Variants in TMC2 observed in about 807,000 individuals in gnomAD.
TMC2 encodes the protein transmembrane channel-like protein 2.
In TMC2, 102 loss-of-function variants were observed where a neutral mutation model predicts 105.9. The observed-to-expected ratio is 0.96, with a 90% CI of 0.82 to 1.14. The LOEUF (loss-of-function observed/expected upper bound fraction) is 1.14. Ranked by LOEUF, TMC2 falls within the 50% of genes most tolerant of loss-of-function variation. The pLI is 0.00. For missense variants in TMC2, 1,093 were observed against 1,134.3 expected (o/e 0.96, Z 0.52); for synonymous variants, 402 against 422.8 (o/e 0.95, Z 0.60).
intron 19 of TMC2, among the ~76,000 whole-genome samples, chr20:2,638,062 C>A (rs1328851940): frequency 6.6e-6 from 1 of 152,200 alleles, no homozygotes; most frequent in Non-Finnish European, 1.5e-5. Flanking sequence ...AAAGTCTAGG[C>A]CGGGCGTGGT....
At chr20:2,538,576 T>G (rs1284430167) in intron 2 of TMC2, among the ~76,000 whole-genome samples, 1 of 152,088 alleles carries the variant, frequency 6.6e-6, no homozygotes, top group Non-Finnish European at 1.5e-5. Flanking sequence ...CAGCCTGGCC[T>G]CCCTCTGCCT....
chr20:2,616,306 C>A lies in TMC2; in HGVS notation c.1940+102C>A, dbSNP rs1404968365. 2.2e-6 allele frequency: 2 copies of A among 913,184 alleles called. No homozygotes were observed. The highest frequency in any genetic ancestry group is 4.8e-5 in the East Asian group (2 of 41,544). 56.6% of individuals were successfully genotyped at this position (913,184 alleles called of 1,614,324 possible). A position where few individuals can be genotyped will look rare whatever the true frequency, so the allele number is the denominator to read the frequency against. On this transcript the variant is annotated intron_variant, in intron 15 of 19. Transcript: ENST00000358864. This position sits in a 1 kb window ranked among gnomAD's most constrained non-coding sequence, Gnocchi z 4.8. ...CTAGTTGGAAGAGGCTAGATAAGTC[C>A]TCTTGCCTCTCTGAACTCCCCTCTT...
intron 17 of TMC2, among the ~76,000 whole-genome samples, chr20:2,627,078 C>G (rs2325893): frequency 6.6e-6 from 1 of 152,092 alleles, no homozygotes; most frequent in Non-Finnish European, 1.5e-5. Context: ...GTGCCTGGGG[C>G]GTGACTGCCC....
chr20:2,594,710 G>A (rs1448058155), intron 8 of TMC2, 115 bp from the exon 9 acceptor site: 25 of 1,117,672 alleles, frequency 2.2e-5, no homozygotes, highest in African/African-American at 4.7e-5. Flanking sequence ...CTCTTCCTTC[G>A]GCCCTTAGAT....
intron 2 of TMC2, among the ~76,000 whole-genome samples, chr20:2,540,522 T>G (rs142000648): frequency 0.014 from 2,094 of 151,684 alleles, 44 homozygotes; most frequent in African/African-American, 0.047. Context: ...TTAGCCAGGC[T>G]TGGTGGTGCA....
At position 2,558,119 on chromosome 20, in the gene TMC2, A is replaced by C; in HGVS notation, c.83-337A>C. On this transcript the variant is annotated intron_variant, in intron 2 of 19. Transcript: ENST00000358864. The surrounding 1 kb of genome is among the most constrained non-coding windows in gnomAD (Gnocchi z 4.6). Reference sequence around the variant, plus strand: ...ATGTCATGGTAATCAACCAGGGGGAAGTAGCAAGGCCTGTTTGTTCCGATT... The same window carrying C: ...ATGTCATGGTAATCAACCAGGGGGACGTAGCAAGGCCTGTTTGTTCCGATT... 3.3e-6 allele frequency: 1 copy of C among 300,308 alleles called. No individual in the cohort carries two copies. The highest frequency in any genetic ancestry group is 6.2e-6 in the Non-Finnish European group (1 of 160,370). 18.6% of individuals were successfully genotyped at this position (300,308 alleles called of 1,614,324 possible).
chr20:2,608,163 A>G (rs2086407715), intron 11 of TMC2, among the ~76,000 whole-genome samples: 1 of 150,672 alleles, frequency 6.6e-6, no homozygotes, highest in Middle Eastern at 3.5e-3. Context: ...TGCTGTGGCT[A>G]TCATTATCTT....
intron 6 of TMC2, 47 bp downstream of exon 6, chr20:2,579,274 T>C (rs1241510006): frequency 8.5e-7 from 1 of 1,170,504 alleles, no homozygotes; most frequent in Non-Finnish European, 1.3e-6. Context: ...TCCTAAAGCG[T>C]TTCCCAAGAG....
chr20:2,539,054 A>T (rs894885143), intron 2 of TMC2, among the ~76,000 whole-genome samples: 1 of 152,202 alleles, frequency 6.6e-6, no homozygotes, highest in African/African-American at 2.4e-5. Context: ...TGTTGAGATC[A>T]CGGGACTGGA....
intron 19 of TMC2, among the ~76,000 whole-genome samples, chr20:2,640,108 A>C (rs1014650552): frequency 6.6e-6 from 1 of 152,124 alleles, no homozygotes; most frequent in Non-Finnish European, 1.5e-5. Flanking sequence ...CAGTCTTCTG[A>C]GTGGCTGTTA....
chr20:2,628,593 G>A (rs1048053737), intron 17 of TMC2, among the ~76,000 whole-genome samples: 39 of 150,426 alleles, frequency 2.6e-4, no homozygotes, highest in Non-Finnish European at 5.5e-4. Flanking sequence ...TAGTGAGTGA[G>A]TTCTCACAAG....
chr20:2,545,891 TGAAA>T (rs1177484966), intron 2 of TMC2, among the ~76,000 whole-genome samples: 5 of 88,686 alleles, frequency 5.6e-5, no homozygotes, highest in Non-Finnish European at 1.1e-4. Flanking sequence ...AAGAAAGAAA[TGAAA>T]GAAAGAAAGA....
chr20:2,581,737 G>A (rs1414658561), intron 7 of TMC2, among the ~76,000 whole-genome samples: 1 of 152,230 alleles, frequency 6.6e-6, no homozygotes, highest in Non-Finnish European at 1.5e-5. Context: ...TAAAAGGCAG[G>A]TTTGGGGGAA....
chr20:2,622,276 A>G (rs138538422), intron 16 of TMC2, among the ~76,000 whole-genome samples: 208 of 152,344 alleles, frequency 1.4e-3, no homozygotes, highest in African/African-American at 4.7e-3. Context: ...TTAATTTTAT[A>G]CTTCAATTTT....
At chr20:2,629,895 T>C (rs935513189) in intron 17 of TMC2, among the ~76,000 whole-genome samples, 16 of 152,252 alleles carry the variant, frequency 1.1e-4, no homozygotes, top group African/African-American at 3.9e-4. Flanking sequence ...ATTTATTATC[T>C]ATGACTGTTT....
At chr20:2,621,381 A>G (rs544470109) in intron 16 of TMC2, among the ~76,000 whole-genome samples, 1 of 150,610 alleles carries the variant, frequency 6.6e-6, no homozygotes, top group African/African-American at 2.4e-5. Flanking sequence ...AAAAAAAAAA[A>G]AAAAGGAAGG....
At chr20:2,579,808 T>G in intron 6 of TMC2, 142 bp from the exon 7 acceptor site, 1 of 572,640 alleles carries the variant, frequency 1.7e-6, no homozygotes, top group Non-Finnish European at 3.1e-6. Flanking sequence ...CCTCAGGTTA[T>G]TTATCCAGGA....
rs1023807302 is a variant in TMC2 at position 2,642,827 on chromosome 20, T to C, written c.*1476T>C. On this transcript the variant is annotated 3_prime_UTR_variant, in exon 20 of 20. Coordinates refer to ENST00000358864, the MANE Select transcript of TMC2 (RefSeq NM_080751.3). ...AGACCCTCTCACCCATGTCTCTGAG[T>C]GTTCTAAAGAGAGTCAGCCACCTTA... 2.0e-5 allele frequency among the ~76,000 whole-genome samples: 3 copies of C among 152,024 alleles called. No individual in the cohort carries two copies. The highest frequency in any genetic ancestry group is 4.4e-5 in the Non-Finnish European group (3 of 67,988).
Position 2,561,975 on chromosome 20 carries a change from G to A in TMC2, c.519G>A (p.Lys173=). 6.2e-7 allele frequency: 1 copy of A among 1,614,224 alleles called. No homozygotes were observed. Among genetic ancestry groups the A allele is most frequent in the Non-Finnish European group, 8.5e-7 (1 of 1,180,028 alleles). The part of the protein sequence containing the change: ...KKKLIATMRS[K]PWPMAKKLTE... ...AGCTCATTGCCACCATGCGGAGCAA[G>A]CCCTGGCCCATGGCGAAGAAGCTGA... The change falls in exon 4 of 20, where the codon AAG becomes AAA. Residue 173 remains lysine (K), a synonymous_variant. Transcript: ENST00000358864.
Sources: allele counts gnomAD v4.1 joint callset (sites outside exome capture counted in the v4.1 genomes callset), GRCh38; gene constraint gnomAD v4.1.1; non-coding constraint Gnocchi (gnomAD v3.1); transcripts MANE v1.5; gene names NCBI Gene and HGNC (gene_info 2026-07-23, HGNC 2026-07-21).